Variants in TET1 observed in about 807,000 individuals in gnomAD.
TET1 encodes methylcytosine dioxygenase TET1.
In TET1, 13 loss-of-function variants were observed where a neutral mutation model predicts 148.7. The ratio of observed to expected loss-of-function variants is 0.09; its 90% CI spans 0.06 to 0.14. The LOEUF (loss-of-function observed/expected upper bound fraction) is 0.14, where lower values mean the gene tolerates loss of function less well. TET1 is among the 10% of genes least tolerant of loss of function. TET1 has a pLI of 1.00. For missense variants in TET1, 2,182 were observed against 2,553.8 expected, an observed-to-expected ratio of 0.85 and a Z score of 3.14; for synonymous variants, 907 against 937.2, an observed-to-expected ratio of 0.97 and a Z score of 0.59.
intron 2 of TET1, among the ~76,000 whole-genome samples, chr10:68,577,289 T>C (rs2053743252): frequency 6.7e-6 from 1 of 149,452 alleles, no homozygotes. Context: ...TCAGATGATC[T>C]GCCTGCATTG....
chr10:68,567,651 G>A (rs1299037744), intron 1 of TET1, among the ~76,000 whole-genome samples: 6 of 151,262 alleles, frequency 4.0e-5, no homozygotes, highest in East Asian at 3.9e-4. Context: ...AGGCTGAGGC[G>A]GGTAGATCAC....
intron 3 of TET1, among the ~76,000 whole-genome samples, chr10:68,644,315 C>T (rs2054806849): frequency 6.6e-6 from 1 of 152,076 alleles, no homozygotes; most frequent in African/African-American, 2.4e-5. Flanking sequence ...GATGCTGTCA[C>T]CATCAGCCTC....
chr10:68,658,016 C>A (rs1204142320), intron 6 of TET1, among the ~76,000 whole-genome samples: 1 of 152,094 alleles, frequency 6.6e-6, no homozygotes, highest in Non-Finnish European at 1.5e-5. Context: ...ACACATACAG[C>A]CAGTGAATTA....
chr10:68,572,809 G>T lies in TET1; in HGVS notation c.471G>T (p.Ser157=), dbSNP rs147014358. Residue 157 remains serine (S), a synonymous_variant, in exon 2 of 12, where the codon TCG becomes TCT. Coordinates refer to ENST00000373644, the MANE Select transcript of TET1 (RefSeq NM_030625.3). ...GAGTAAAGCACTCAGAAAATGATTC[G>T]GTTCCAATGCAAGACACCCAAGTCC... ...ALGVKHSEND[S]VPMQDTQVLP... 2.5e-6 allele frequency: 4 copies of T among 1,614,034 alleles called. No individual in the cohort carries two copies. The highest frequency in any genetic ancestry group is 3.4e-6 in the Non-Finnish European group (4 of 1,179,988).
chr10:68,678,606 C>T (rs141290567), intron 8 of TET1, among the ~76,000 whole-genome samples: 177 of 151,758 alleles, frequency 1.2e-3, no homozygotes, highest in African/African-American at 4.0e-3. Flanking sequence ...AAAAATTAGC[C>T]GGGCATGGTG....
At chr10:68,611,400 T>C (rs916947664) in intron 3 of TET1, among the ~76,000 whole-genome samples, 1 of 152,120 alleles carries the variant, frequency 6.6e-6, no homozygotes, top group Non-Finnish European at 1.5e-5. Context: ...TTGCTTGAAC[T>C]ATGGAGCTCA....
intron 4 of TET1, among the ~76,000 whole-genome samples, chr10:68,647,705 TTG>T (rs1188587859): frequency 6.6e-6 from 1 of 152,198 alleles, no homozygotes; most frequent in Non-Finnish European, 1.5e-5. Context: ...CATTATATTT[TTG>T]TGTGTGTGAG....
At chr10:68,631,539 G>A (rs531413185) in intron 3 of TET1, among the ~76,000 whole-genome samples, 90 of 147,226 alleles carry the variant, frequency 6.1e-4, no homozygotes, top group African/African-American at 2.1e-3. Context: ...TCCCAAAAGT[G>A]CTGGGATTAC....
At chr10:68,604,553 G>A (rs532138719) in intron 3 of TET1, among the ~76,000 whole-genome samples, 1 of 152,156 alleles carries the variant, frequency 6.6e-6, no homozygotes, top group African/African-American at 2.4e-5. Context: ...GGAGTCAAGT[G>A]GGGGGTGGGT....
chr10:68,649,262 C>T (rs1287412254), intron 4 of TET1, among the ~76,000 whole-genome samples: 5 of 152,196 alleles, frequency 3.3e-5, no homozygotes. Flanking sequence ...ACTCCAGAAC[C>T]TATCCTTATA....
In TET1 at chr10:68,691,015, G is replaced by A. The variant is rs778543479; in HGVS notation, c.5612G>A (p.Gly1871Glu). ...AAGAATGACGCAACAGCCTCATGCGGGTTTTCAGAAAGAAGCAGCACTCCC... is the reference window on the plus strand; with the variant it reads ...AAGAATGACGCAACAGCCTCATGCGAGTTTTCAGAAAGAAGCAGCACTCCC... Reference protein sequence around the residue: ...PLKNDATASCGFSERSSTPHC... With the variant: ...PLKNDATASCEFSERSSTPHC... The change falls in exon 12 of 12, where the codon GGG (glycine) becomes GAG (glutamate). Residue 1871 changes from glycine (G) to glutamate (E), a missense_variant. Physicochemically the swap from Gly to Glu is moderately conservative, Grantham distance 98. Transcript: ENST00000373644. This position sits in a 1 kb window ranked among gnomAD's most constrained non-coding sequence, Gnocchi z 4.4. The A allele has an allele frequency of 1.2e-6, 2 of 1,614,156 alleles. No homozygotes were observed. Among genetic ancestry groups the A allele is most frequent in the Non-Finnish European group, 8.5e-7 (1 of 1,179,984 alleles).
intron 3 of TET1, among the ~76,000 whole-genome samples, chr10:68,606,591 G>C (rs2054127817): frequency 6.8e-6 from 1 of 146,448 alleles, no homozygotes; most frequent in African/African-American, 2.6e-5. Context: ...CCATCCTTCA[G>C]GGGAAAAACA....
intron 2 of TET1, among the ~76,000 whole-genome samples, chr10:68,583,906 C>T (rs1365065145): frequency 1.4e-5 from 2 of 141,828 alleles, no homozygotes; most frequent in South Asian, 4.5e-4. Flanking sequence ...ACTCTGTCTC[C>T]AAAAAAAAAA....
intron 2 of TET1, among the ~76,000 whole-genome samples, chr10:68,580,313 A>ATTTTTTTTTTT (rs1163318028): frequency 9.9e-5 from 6 of 60,402 alleles, no homozygotes; most frequent in Non-Finnish European, 1.4e-4. Context: ...ATTATATTCA[A>ATTTTTTTTTTT]TTTTTTTTTT....
chr10:68,561,712 C>A (rs1182233748), intron 1 of TET1, among the ~76,000 whole-genome samples: 1 of 144,916 alleles, frequency 6.9e-6, no homozygotes, highest in African/African-American at 2.5e-5. Context: ...CCCTCTCCCC[C>A]GCTCCGGTCC....
chr10:68,606,568 A>G (rs1323935026), intron 3 of TET1, among the ~76,000 whole-genome samples: 2 of 152,034 alleles, frequency 1.3e-5, no homozygotes, highest in Admixed American at 6.6e-5. Context: ...ACTAGATCAA[A>G]TACTAAGCTT....
chr10:68,620,253 T>C (rs535674877), intron 3 of TET1, among the ~76,000 whole-genome samples: 1 of 152,328 alleles, frequency 6.6e-6, no homozygotes, highest in South Asian at 2.1e-4. Context: ...GCATCTATCA[T>C]GACAATCAAT....
At chr10:68,652,425 A>T in intron 5 of TET1, 76 bp from the exon 6 acceptor site, 1 of 986,752 alleles carries the variant, frequency 1.0e-6, no homozygotes, top group Admixed American at 2.4e-5. Context: ...ATATACATTA[A>T]GATGTTCAAA....
rs1222214017 is a variant in TET1, at chr10:68,646,303, G to C, written c.3574G>C (p.Ala1192Pro). The change falls in exon 4 of 12, where the codon GCA (alanine) becomes CCA (proline). Residue 1192 changes from alanine (A) to proline (P), a missense_variant. Transcript: ENST00000373644. The stretch of plus-strand genomic sequence containing the variant: ...TGGCACAATATGCGACATTTGGATA[G>C]CATCGAAATTTCAAAATTTTGGGCA... ...MYGTICDIWI[A>P]SKFQNFGQFC... 2 of 1,613,958 alleles carry C rather than the reference G, an allele frequency of 1.2e-6. No homozygotes were observed. The highest frequency in any genetic ancestry group is 1.3e-5 in the African/African-American group (1 of 74,908).
Sources: gnomAD v4.1 joint callset for allele counts (sites outside exome capture counted in the v4.1 genomes callset) on GRCh38, gnomAD v4.1.1 for gene constraint, Gnocchi (gnomAD v3.1) non-coding constraint, MANE v1.5 for transcripts, NCBI Gene and HGNC (gene_info 2026-07-23, HGNC 2026-07-21) for gene names.